The following NMNAT2 variants were observed in gnomAD, a reference collection of about 807,000 sequenced individuals.
The protein encoded by NMNAT2 is nicotinamide nucleotide adenylyltransferase 2, also known as nicotinamide/nicotinic acid mononucleotide adenylyltransferase 2.
Under a neutral mutation model 41.6 loss-of-function variants are expected in NMNAT2, and 11 were observed. The observed-to-expected ratio is 0.26, with a 90% CI of 0.17 to 0.44. The LOEUF is 0.44. NMNAT2 is among the 20% of genes least tolerant of loss of function. The pLI, the probability that NMNAT2 is intolerant of heterozygous loss-of-function variation, is 1.00. For missense variants in NMNAT2, 288 were observed against 407.7 expected (o/e 0.71, Z 2.53); for synonymous variants, 148 against 151.2 (o/e 0.98, Z 0.16).
intron 3 of NMNAT2, among the ~76,000 whole-genome samples, chr1:183,292,169 G>GGAA (rs768650966): frequency 1.8e-4 from 27 of 152,328 alleles, no homozygotes; most frequent in Non-Finnish European, 3.4e-4. Context: ...AGAACTTTGG[G>GGAA]GAACATCATT....
chr1:183,294,191 T>C (rs1392131951), intron 1 of NMNAT2, among the ~76,000 whole-genome samples: 2 of 152,174 alleles, frequency 1.3e-5, no homozygotes, highest in Non-Finnish European at 2.9e-5. Flanking sequence ...AAAGCCTCCT[T>C]ATAATATGAA....
intron 1 of NMNAT2, among the ~76,000 whole-genome samples, chr1:183,315,430 T>C (rs1276944721): frequency 1.3e-5 from 2 of 152,096 alleles, no homozygotes; most frequent in Non-Finnish European, 2.9e-5. Flanking sequence ...CTTCACAAGG[T>C]ACAATACACA....
chr1:183,416,995 T>C (rs1357882533), intron 1 of NMNAT2, among the ~76,000 whole-genome samples: 1 of 151,996 alleles, frequency 6.6e-6, no homozygotes, highest in Non-Finnish European at 1.5e-5. Flanking sequence ...ACACGCTCTC[T>C]CATCCATCCC....
intron 1 of NMNAT2, among the ~76,000 whole-genome samples, chr1:183,321,136 T>C (rs1301004602): frequency 6.6e-6 from 1 of 152,236 alleles, no homozygotes; most frequent in Non-Finnish European, 1.5e-5. Flanking sequence ...TACATGTGTG[T>C]GCTGAAGTGA....
At chr1:183,362,426 C>T (rs1056256828) in intron 1 of NMNAT2, among the ~76,000 whole-genome samples, 1 of 152,182 alleles carries the variant, frequency 6.6e-6, no homozygotes, top group Admixed American at 6.5e-5. Flanking sequence ...CCATTCCCCA[C>T]CGCCCCCTGG....
At chr1:183,315,637 C>G (rs976789679) in intron 1 of NMNAT2, among the ~76,000 whole-genome samples, 3 of 151,950 alleles carry the variant, frequency 2.0e-5, no homozygotes, top group African/African-American at 7.3e-5. Context: ...CAAAAATTAG[C>G]CGGGCATGGT....
intron 1 of NMNAT2, among the ~76,000 whole-genome samples, chr1:183,390,434 G>T (rs979462068): frequency 6.6e-6 from 1 of 152,084 alleles, no homozygotes; most frequent in East Asian, 1.9e-4. Context: ...TTTGTTTAAC[G>T]CCGGGTATGC....
intron 1 of NMNAT2, among the ~76,000 whole-genome samples, chr1:183,389,300 A>G (rs1348009368): frequency 6.6e-6 from 1 of 152,188 alleles, no homozygotes; most frequent in African/African-American, 2.4e-5. Context: ...CAAAGAACAC[A>G]TTCCTTTGGG....
At chr1:183,387,827 A>G (rs569244984) in intron 1 of NMNAT2, among the ~76,000 whole-genome samples, 12 of 152,280 alleles carry the variant, frequency 7.9e-5, no homozygotes, top group African/African-American at 2.9e-4. Context: ...GTAATCCCAA[A>G]TCTGAAGTGC....
intron 1 of NMNAT2, among the ~76,000 whole-genome samples, chr1:183,368,870 G>A (rs996770893): frequency 6.6e-6 from 1 of 152,222 alleles, no homozygotes; most frequent in African/African-American, 2.4e-5. Flanking sequence ...CATGAAGTGA[G>A]TCTGTGCAAA....
At chr1:183,294,231 C>T (rs1661622490) in intron 1 of NMNAT2, among the ~76,000 whole-genome samples, 1 of 152,106 alleles carries the variant, frequency 6.6e-6, no homozygotes, top group African/African-American at 2.4e-5. Flanking sequence ...TCTAATTATT[C>T]AGAAGAGAAA....
At chr1:183,339,256 C>T (rs879289073) in intron 1 of NMNAT2, among the ~76,000 whole-genome samples, 1 of 152,108 alleles carries the variant, frequency 6.6e-6, no homozygotes, top group Non-Finnish European at 1.5e-5. Context: ...TGCCACCACG[C>T]CTGGCTAATT....
intron 1 of NMNAT2, among the ~76,000 whole-genome samples, chr1:183,339,797 G>A (rs1250056796): frequency 6.6e-6 from 1 of 152,048 alleles, no homozygotes; most frequent in African/African-American, 2.4e-5. Flanking sequence ...TTTTGAGAGA[G>A]CCTTTTTATC....
At chr1:183,335,525 G>A (rs746722643) in intron 1 of NMNAT2, among the ~76,000 whole-genome samples, 1 of 152,232 alleles carries the variant, frequency 6.6e-6, no homozygotes, top group Non-Finnish European at 1.5e-5. Context: ...CAAGCTTGAA[G>A]ATGTTTCTGC....
chr1:183,413,182 T>C (rs1057146144), intron 1 of NMNAT2, among the ~76,000 whole-genome samples: 3 of 152,176 alleles, frequency 2.0e-5, no homozygotes, highest in African/African-American at 7.2e-5. Context: ...CTAGTAGTGG[T>C]CGTAATATTT....
intron 1 of NMNAT2, among the ~76,000 whole-genome samples, chr1:183,416,214 A>T (rs1649247547): frequency 6.6e-6 from 1 of 152,218 alleles, no homozygotes; most frequent in Admixed American, 6.5e-5. Context: ...TCTCAATCCA[A>T]ATCTGTTTCT....
chr1:183,321,261 C>T (rs898045791), intron 1 of NMNAT2, among the ~76,000 whole-genome samples: 1 of 152,146 alleles, frequency 6.6e-6, no homozygotes, highest in Non-Finnish European at 1.5e-5. Flanking sequence ...TTCCTTTACT[C>T]TTTCCTTTAT....
intron 1 of NMNAT2, among the ~76,000 whole-genome samples, chr1:183,385,070 A>C (rs886480868): frequency 2.6e-5 from 4 of 151,362 alleles, no homozygotes; most frequent in African/African-American, 9.7e-5. Context: ...ATTAAAAATT[A>C]AAAAAAAATT....
intron 1 of NMNAT2, among the ~76,000 whole-genome samples, chr1:183,407,073 T>C (rs985808056): frequency 1.3e-5 from 2 of 152,194 alleles, no homozygotes; most frequent in African/African-American, 4.8e-5. Context: ...CGCCTCAGCC[T>C]CCCAAAGTGC....
Sources: gnomAD v4.1 joint callset for allele counts (sites outside exome capture counted in the v4.1 genomes callset) on GRCh38, gnomAD v4.1.1 for gene constraint, MANE v1.5 for transcripts, NCBI Gene and HGNC (gene_info 2026-07-23, HGNC 2026-07-21) for gene names.